Variants in SLC9A9 observed in about 807,000 individuals in gnomAD.
SLC9A9 encodes solute carrier family 9 member A9, also known as sodium/hydrogen exchanger 9.
In SLC9A9, 62 loss-of-function variants were observed where a neutral mutation model predicts 77.8. That is an observed-to-expected ratio of 0.80 (90% CI 0.65 to 0.98). The LOEUF (loss-of-function observed/expected upper bound fraction) is 0.98. Ranked by LOEUF, SLC9A9 falls within the 50% of genes least tolerant of loss-of-function variation. The probability of loss-of-function intolerance (pLI) is 0.00; values close to 1 mark genes in which losing one functional copy is unlikely to be tolerated. For synonymous variants in SLC9A9, 320 were observed against 283.5 expected (o/e 1.13, Z -1.29); for missense variants, 775 against 774.9 (o/e 1.00, Z 0.00).
At chr3:143,500,534 C>T (rs968134226) in intron 9 of SLC9A9, among the ~76,000 whole-genome samples, 3 of 152,068 alleles carry the variant, frequency 2.0e-5, no homozygotes, top group Non-Finnish European at 1.5e-5. Flanking sequence ...TCCTTCAGGT[C>T]CTGGATGTCA....
intron 11 of SLC9A9, among the ~76,000 whole-genome samples, chr3:143,491,750 TG>T (rs1202576974): frequency 6.6e-6 from 1 of 152,176 alleles, no homozygotes; most frequent in African/African-American, 2.4e-5. Flanking sequence ...CTCAAAGCAT[TG>T]TTTGTCAAAT....
intron 12 of SLC9A9, among the ~76,000 whole-genome samples, chr3:143,437,551 A>C (rs372567336): frequency 1.4e-4 from 21 of 152,370 alleles, no homozygotes; most frequent in African/African-American, 4.8e-4. Flanking sequence ...TTCAGAAAAC[A>C]GCTGATATCT....
At chr3:143,646,555 A>G (rs1419114253) in intron 6 of SLC9A9, among the ~76,000 whole-genome samples, 1 of 150,332 alleles carries the variant, frequency 6.7e-6, no homozygotes. Flanking sequence ...TATTTTTTAA[A>G]TGACTTCATA....
chr3:143,815,729 G>A (rs1309149172), intron 2 of SLC9A9, among the ~76,000 whole-genome samples: 1 of 152,002 alleles, frequency 6.6e-6, no homozygotes, highest in East Asian at 1.9e-4. Flanking sequence ...AGCTGGGCAT[G>A]GTGGTGTGCA....
At chr3:143,475,564 G>A (rs1269156972) in intron 11 of SLC9A9, among the ~76,000 whole-genome samples, 4 of 151,920 alleles carry the variant, frequency 2.6e-5, no homozygotes, top group Admixed American at 6.6e-5. Flanking sequence ...AGGCCAAGGC[G>A]GGTGGATCAC....
chr3:143,777,038 G>C (rs2007713610), intron 4 of SLC9A9, among the ~76,000 whole-genome samples: 1 of 152,074 alleles, frequency 6.6e-6, no homozygotes, highest in South Asian at 2.1e-4. Context: ...TGTTAATTTG[G>C]ATCTTAGGGA....
Position 143,552,268 on chromosome 3 carries a change from C to T in SLC9A9, c.1089+94G>A, listed in dbSNP as rs951998090. The stretch of plus-strand genomic sequence containing the variant: ...GCCTTAAGCTTACATTCTTCCTTTA[C>T]TAATGAAACTCTTTCTGACTATACT... On this transcript the variant is annotated intron_variant, in intron 9 of 15. Transcript: ENST00000316549. 7.1e-5 allele frequency: 60 copies of T among 849,680 alleles called. 1 individual carries two copies. In the African/African-American group the frequency reaches 8.8e-4, roughly 12 times the overall value. 52.6% of individuals were successfully genotyped at this position (849,680 alleles called of 1,614,324 possible).
At chr3:143,808,254 A>G (rs1252337481) in intron 2 of SLC9A9, among the ~76,000 whole-genome samples, 3 of 152,232 alleles carry the variant, frequency 2.0e-5, no homozygotes, top group Admixed American at 1.3e-4. Context: ...TGAATCAGAC[A>G]TGATTAAACT....
chr3:143,689,133 A>T (rs919522266), intron 5 of SLC9A9, among the ~76,000 whole-genome samples: 1 of 152,132 alleles, frequency 6.6e-6, no homozygotes, highest in African/African-American at 2.4e-5. Context: ...ACTGTGAAGA[A>T]CAAGTATTGT....
intron 6 of SLC9A9, among the ~76,000 whole-genome samples, chr3:143,616,285 T>C (rs62269843): frequency 0.016 from 2,459 of 152,280 alleles, 22 homozygotes; most frequent in Non-Finnish European, 0.022. Flanking sequence ...GATTTTATAA[T>C]GTAAAACATT....
intron 6 of SLC9A9, among the ~76,000 whole-genome samples, chr3:143,651,428 C>T (rs936252827): frequency 1.3e-5 from 2 of 152,238 alleles, no homozygotes; most frequent in Non-Finnish European, 2.9e-5. Flanking sequence ...TCTGTGAGAT[C>T]TGACTTTAAC....
intron 13 of SLC9A9, 197 bp downstream of exon 13, chr3:143,381,863 A>C: frequency 1.6e-6 from 1 of 640,108 alleles, no homozygotes; most frequent in East Asian, 2.8e-5. Context: ...AGTACATGCT[A>C]GTTCTAAGCA....
intron 6 of SLC9A9, among the ~76,000 whole-genome samples, chr3:143,623,792 C>CA (rs1209708554): frequency 6.6e-6 from 1 of 151,960 alleles, no homozygotes. Context: ...AATAGAGACA[C>CA]AAAAAACCCT....
Position 143,449,763 on chromosome 3 carries a change from A to G in SLC9A9, c.1469+17274T>C, listed in dbSNP as rs962309848. ...TATAAAATAAAAATTATACAAGTAT[A>G]TATAATTATATATATTTATATATAA... On this transcript the variant is annotated intron_variant, in intron 12 of 15. Transcript: ENST00000316549. Among the ~76,000 whole-genome samples, 73 of 77,386 alleles carry G rather than the reference A, an allele frequency of 9.4e-4. 7 individuals are homozygous for G. Among genetic ancestry groups the G allele is most frequent in the Non-Finnish European group, 1.3e-3 (61 of 45,376 alleles). The allele number at this position is 77,386 out of a possible 152,430, so 50.8% of individuals were successfully genotyped here.
chr3:143,587,805 C>G (rs1042925359), intron 6 of SLC9A9, among the ~76,000 whole-genome samples: 1 of 152,210 alleles, frequency 6.6e-6, no homozygotes, highest in Non-Finnish European at 1.5e-5. Context: ...CCTCATCAGC[C>G]TGGATGCCAC....
chr3:143,273,673 T>TGG (rs1937961466), intron 14 of SLC9A9, among the ~76,000 whole-genome samples: 1 of 152,212 alleles, frequency 6.6e-6, no homozygotes, highest in South Asian at 2.1e-4. Flanking sequence ...TAGAACCCTG[T>TGG]GGAGCTGTGT....
rs556894160 is a variant in SLC9A9 at position 143,549,269 on chromosome 3, C to A, written c.1089+3093G>T. 4.6e-5 allele frequency among the ~76,000 whole-genome samples: 7 copies of A among 152,310 alleles called. No individual in the cohort carries two copies. The East Asian group carries it at 1.4e-3, about 29-fold the overall frequency. On this transcript the variant is annotated intron_variant, in intron 9 of 15. Transcript: ENST00000316549. Reference sequence around the variant, plus strand: ...CTGTAGTGTGGCTAAGAGCCTCTGACTGCACTCTTTCAAAGTGGGGACCTT... The same window carrying A: ...CTGTAGTGTGGCTAAGAGCCTCTGAATGCACTCTTTCAAAGTGGGGACCTT...
At chr3:143,483,314 G>C (rs1281920956) in intron 11 of SLC9A9, among the ~76,000 whole-genome samples, 1 of 152,190 alleles carries the variant, frequency 6.6e-6, no homozygotes, top group Non-Finnish European at 1.5e-5. Context: ...GGTGGGGGTG[G>C]AGTGTGGCAG....
At position 143,483,306 on chromosome 3, in the gene SLC9A9, T is replaced by TG. The variant is rs375983822; in HGVS notation, c.1315+10346dup. On this transcript the variant is annotated intron_variant, in intron 11 of 15. Transcript: ENST00000316549. ...TGGCTTTAGAGGTAATGGGTGGAGG[T>TG]GGGGGTGGAGTGTGGCAGTAGGGTC... Among the ~76,000 whole-genome samples the TG allele has an allele frequency of 6.1e-4, 92 of 152,004 alleles. 1 individual carries two copies. The highest frequency in any genetic ancestry group is 2.1e-3 in the African/African-American group (89 of 41,444).
Sources: allele counts gnomAD v4.1 joint callset (sites outside exome capture counted in the v4.1 genomes callset), GRCh38; gene constraint gnomAD v4.1.1; transcripts MANE v1.5; gene names NCBI Gene and HGNC (gene_info 2026-07-23, HGNC 2026-07-21).